Variants in ACTN2 observed in about 807,000 individuals in gnomAD.
ACTN2 encodes the protein alpha-actinin-2.
A neutral mutation model predicts 113.8 loss-of-function variants in ACTN2; 39 were observed. The observed-to-expected ratio is 0.34, with a 90% CI of 0.27 to 0.45. ACTN2 has a LOEUF of 0.45. ACTN2 is among the 20% of genes least tolerant of loss of function. ACTN2 has a pLI of 1.00. For missense variants in ACTN2, 992 were observed against 1,177.9 expected (o/e 0.84, Z 2.31); for synonymous variants, 429 against 444.1 (o/e 0.97, Z 0.43).
chr1:236,762,746 C>T lies in ACTN2; in HGVS notation c.*127C>T, dbSNP rs544318883. On this transcript the variant is annotated 3_prime_UTR_variant, in exon 21 of 21. Coordinates refer to ENST00000366578, the MANE Select transcript of ACTN2 (RefSeq NM_001103.4). ...AGAGAGGGGAAAAAAAAAAGCCTTT[C>T]GTAGTTCAGTAATTGCCAGCAATAT... 1.7e-4 allele frequency: 212 copies of T among 1,230,454 alleles called. 1 individual carries two copies. The South Asian group carries it at 2.5e-3, about 15-fold the overall frequency. 76.2% of individuals were successfully genotyped at this position (1,230,454 alleles called of 1,614,324 possible).
intron 13 of ACTN2, chr1:236,748,229 G>A (rs1659294385): frequency 5.6e-6 from 1 of 180,178 alleles, no homozygotes; most frequent in South Asian, 1.2e-4. Flanking sequence ...GACACAGTGG[G>A]TATCTTGTGT....
At chr1:236,689,867 G>A (rs4659701) in intron 1 of ACTN2, among the ~76,000 whole-genome samples, 71,880 of 152,048 alleles carry the variant, frequency 0.47, 19,617 homozygotes, top group Non-Finnish European at 0.62. Context: ...AAGCCTAATT[G>A]GGAGGTGACT....
At chr1:236,724,029 A>G (rs765269364) in intron 4 of ACTN2, among the ~76,000 whole-genome samples, 7 of 152,196 alleles carry the variant, frequency 4.6e-5, no homozygotes, top group Non-Finnish European at 5.9e-5. Flanking sequence ...CTTTATAAAA[A>G]CATGCCATAG....
intron 4 of ACTN2, among the ~76,000 whole-genome samples, chr1:236,720,517 A>T (rs772653752): frequency 5.9e-5 from 9 of 152,140 alleles, no homozygotes; most frequent in Non-Finnish European, 1.3e-4. Context: ...TACAACTGAA[A>T]CACTTTCTTT....
chr1:236,762,684 C>G lies in ACTN2; in HGVS notation c.*65C>G. 1 of 1,571,020 alleles carries G rather than the reference C, an allele frequency of 6.4e-7. No individual in the cohort carries two copies. Among genetic ancestry groups the G allele is most frequent in the Non-Finnish European group, 8.7e-7 (1 of 1,155,242 alleles). On this transcript the variant is annotated 3_prime_UTR_variant, in exon 21 of 21. Coordinates refer to ENST00000366578, the MANE Select transcript of ACTN2 (RefSeq NM_001103.4). ...TAAAAGCGGAAGTCACAGTTTGTTT[C>G]CTGGAAACTTTGACAAGCTTTATTA...
intron 13 of ACTN2, among the ~76,000 whole-genome samples, chr1:236,748,642 A>T (rs910522262): frequency 1.3e-5 from 2 of 152,134 alleles, no homozygotes. Context: ...CTGAATGAGG[A>T]TTTGAGAGCA....
In ACTN2 at chr1:236,751,500, G is replaced by A. The variant is rs1010818953; in HGVS notation, c.1687G>A (p.Ala563Thr). ...SLITAHEQFK[A>T]TLPEADGERQ... ...GATCACTGCGCATGAGCAGTTCAAGGCCACGCTGCCCGAGGCGGACGGAGA... is the reference window on the plus strand; with the variant it reads ...GATCACTGCGCATGAGCAGTTCAAGACCACGCTGCCCGAGGCGGACGGAGA... The change falls in exon 15 of 21, where the codon GCC (alanine) becomes ACC (threonine). Residue 563 changes from alanine (A) to threonine (T), a missense_variant. Coordinates refer to ENST00000366578, the MANE Select transcript of ACTN2 (RefSeq NM_001103.4). 6.2e-7 allele frequency: 1 copy of A among 1,614,126 alleles called. No homozygotes were observed. The highest frequency in any genetic ancestry group is 1.7e-5 in the Admixed American group (1 of 60,020).
chr1:236,727,102 C>T (rs951643005), intron 5 of ACTN2, among the ~76,000 whole-genome samples: 10 of 152,024 alleles, frequency 6.6e-5, no homozygotes, highest in African/African-American at 2.4e-4. Flanking sequence ...GTGTCTACGG[C>T]GGAACAGACC....
intron 6 of ACTN2, among the ~76,000 whole-genome samples, chr1:236,728,869 G>A (rs1658637971): frequency 6.6e-6 from 1 of 151,998 alleles, no homozygotes; most frequent in Admixed American, 6.6e-5. Flanking sequence ...CCTCCAGCCT[G>A]GGCCACAGGG....
intron 4 of ACTN2, among the ~76,000 whole-genome samples, chr1:236,721,743 C>T (rs1658400776): frequency 1.3e-5 from 2 of 152,216 alleles, no homozygotes; most frequent in South Asian, 4.2e-4. Context: ...TAAATAAATA[C>T]TACTTTTAGA....
At chr1:236,744,450 C>G (rs920416823) in intron 11 of ACTN2, among the ~76,000 whole-genome samples, 176 bp from the exon 12 acceptor site, 1 of 152,192 alleles carries the variant, frequency 6.6e-6, no homozygotes, top group African/African-American at 2.4e-5. Flanking sequence ...CTGGGGCATC[C>G]TCAGCAGGTA....
At chr1:236,732,051 G>A (rs1214787180) in intron 7 of ACTN2, among the ~76,000 whole-genome samples, 1 of 152,128 alleles carries the variant, frequency 6.6e-6, no homozygotes, top group Non-Finnish European at 1.5e-5. Flanking sequence ...TACTTTGTTC[G>A]TTATTGTAAA....
intron 1 of ACTN2, among the ~76,000 whole-genome samples, chr1:236,694,166 C>G (rs1202774693): frequency 6.6e-6 from 1 of 151,994 alleles, no homozygotes; most frequent in East Asian, 1.9e-4. Context: ...CTGTAGGTCC[C>G]TGTGCCTCAT....
chr1:236,722,745 G>T (rs1372687201), intron 4 of ACTN2, among the ~76,000 whole-genome samples: 4 of 151,976 alleles, frequency 2.6e-5, no homozygotes, highest in African/African-American at 7.3e-5. Flanking sequence ...TCAGTGCTTT[G>T]TGATGCAATG....
chr1:236,761,436 T>C (rs897419698), intron 20 of ACTN2, among the ~76,000 whole-genome samples: 17 of 42,742 alleles, frequency 4.0e-4, no homozygotes, highest in East Asian at 1.2e-3. Context: ...TACTTGCGTG[T>C]GTGTGTGTGT....
intron 17 of ACTN2, 73 bp downstream of exon 17, chr1:236,755,271 C>T: frequency 6.5e-7 from 1 of 1,547,518 alleles, no homozygotes; most frequent in Non-Finnish European, 8.9e-7. Context: ...GTGCTTTCTT[C>T]ATGCACTTGT....
At chr1:236,709,336 A>ATACG (rs1657949082) in intron 1 of ACTN2, among the ~76,000 whole-genome samples, 1 of 136,150 alleles carries the variant, frequency 7.3e-6, no homozygotes, top group African/African-American at 3.0e-5. Flanking sequence ...ACATGTATAT[A>ATACG]TATACGTGTA....
chr1:236,731,440 A>C (rs1320103014), intron 7 of ACTN2, 126 bp downstream of exon 7: 2 of 728,908 alleles, frequency 2.7e-6, no homozygotes, highest in Non-Finnish European at 4.8e-6. Context: ...ATTCCTAACA[A>C]ATTTCTGTCA....
At chr1:236,721,015 G>GGTTTGTTTTTTTTTTTTT in intron 4 of ACTN2, among the ~76,000 whole-genome samples, 1 of 49,138 alleles carries the variant, frequency 2.0e-5, no homozygotes, top group Admixed American at 3.4e-4. Flanking sequence ...TCTGGTTTTT[G>GGTTTGTTTTTTTTTTTTT]TTTTTTGTTT....
Sources: gnomAD v4.1 joint callset for allele counts (sites outside exome capture counted in the v4.1 genomes callset) on GRCh38, gnomAD v4.1.1 for gene constraint, MANE v1.5 for transcripts, NCBI Gene and HGNC (gene_info 2026-07-23, HGNC 2026-07-21) for gene names.